PPFIA1: variants seen among roughly 807,000 people sequenced by gnomAD.
PPFIA1 encodes liprin-alpha-1.
Under a neutral mutation model 149.9 loss-of-function variants are expected in PPFIA1, and 25 were observed. The observed-to-expected ratio is 0.17, with a 90% CI of 0.12 to 0.23. The LOEUF (loss-of-function observed/expected upper bound fraction) is 0.23. Among genes scored for constraint, PPFIA1 ranks in the 10% least tolerant of loss-of-function variants. The pLI is 1.00. For synonymous variants in PPFIA1, 549 were observed against 552.8 expected, an observed-to-expected ratio of 0.99 and a Z score of 0.10; for missense variants, 1,362 against 1,506.5, an observed-to-expected ratio of 0.90 and a Z score of 1.59.
At chr11:70,341,416 A>G (rs680125) in intron 14 of PPFIA1, among the ~76,000 whole-genome samples, 1 of 152,128 alleles carries the variant, frequency 6.6e-6, no homozygotes, top group Non-Finnish European at 1.5e-5. Flanking sequence ...GAGGAAGTCA[A>G]AGATGACTCC....
chr11:70,373,054 A>G (rs1195496947), intron 23 of PPFIA1, among the ~76,000 whole-genome samples: 2 of 152,266 alleles, frequency 1.3e-5, no homozygotes, highest in African/African-American at 2.4e-5. Context: ...GTCCTTGAAG[A>G]AGGAGGAGGA....
At chr11:70,355,494 A>T in intron 17 of PPFIA1, 145 bp from the exon 18 acceptor site, 1 of 740,710 alleles carries the variant, frequency 1.4e-6, no homozygotes, top group Non-Finnish European at 2.1e-6. Context: ...CCTCGCCGGG[A>T]GTCTGCCTTT....
chr11:70,321,890 A>G (rs1476547371), intron 2 of PPFIA1, among the ~76,000 whole-genome samples: 1 of 152,140 alleles, frequency 6.6e-6, no homozygotes, highest in Non-Finnish European at 1.5e-5. Flanking sequence ...ATTTTTTGAG[A>G]TGGAGTTTCG....
chr11:70,330,072 T>C (rs974015592), intron 7 of PPFIA1, 101 bp from the exon 8 acceptor site: 35 of 1,125,056 alleles, frequency 3.1e-5, no homozygotes, highest in East Asian at 2.4e-4. Flanking sequence ...TTAATTTGAT[T>C]GGAAATTTGG....
intron 7 of PPFIA1, among the ~76,000 whole-genome samples, chr11:70,329,386 C>T (rs1042341906): frequency 4.6e-5 from 7 of 152,184 alleles, no homozygotes; most frequent in African/African-American, 1.7e-4. Context: ...GAGGTAGTTA[C>T]ATTTTCATTC....
intron 3 of PPFIA1, 23 bp downstream of exon 3, chr11:70,324,526 C>T (rs752053015): frequency 2.6e-6 from 4 of 1,557,796 alleles, no homozygotes; most frequent in Admixed American, 3.4e-5. Context: ...TTTCTGTTCA[C>T]TGCCTGCCCC....
In PPFIA1 at chr11:70,363,937, C is replaced by T. The variant is rs557841780; in HGVS notation, c.2865+1449C>T. 4.6e-5 allele frequency among the ~76,000 whole-genome samples: 7 copies of T among 151,736 alleles called. No individual in the cohort carries two copies. In the South Asian group the frequency reaches 1.5e-3, roughly 32 times the overall value. On this transcript the variant is annotated intron_variant, in intron 21 of 27. Coordinates refer to ENST00000253925, the MANE Select transcript of PPFIA1 (RefSeq NM_003626.5). ...GATGGGTCTCACTTTGTTGCCTAGG[C>T]TGGTCTGGAACTCCTGGGCTCAAGC...
rs769646081 is a variant in PPFIA1, at chr11:70,372,297, A to G, written c.2948A>G (p.Tyr983Cys). 7.4e-6 allele frequency: 12 copies of G among 1,614,106 alleles called. No individual in the cohort carries two copies. The highest frequency in any genetic ancestry group is 3.3e-5 in the South Asian group (3 of 91,086). Residue 983 changes from tyrosine to cysteine, a missense_variant, in exon 22 of 28, where the codon TAC becomes TGC. By Grantham distance (194) the Tyr-to-Cys change is radical (BLOSUM62 -2). Around this residue, in one of 7 missense-constraint regions of PPFIA1, gnomAD observed 349 missense variants for 373.3 expected, o/e 0.93. Transcript: ENST00000253925. ...PSLGLPQYRS[Y>C]FMECLVDARM... Reference sequence around the variant, plus strand: ...CTGGGCCTCCCCCAGTACCGCAGCTACTTCATGGAGTGCCTTGTAGACGCC... The same window carrying G: ...CTGGGCCTCCCCCAGTACCGCAGCTGCTTCATGGAGTGCCTTGTAGACGCC...
rs190876112 is a variant in PPFIA1 at position 70,332,336 on chromosome 11, C to T, written c.1212+242C>T. ...ACTATTTGTCCACGGCATGTGTGATCTGAGAGTTACTGCTTCTTAGAATTG... is the reference window on the plus strand; with the variant it reads ...ACTATTTGTCCACGGCATGTGTGATTTGAGAGTTACTGCTTCTTAGAATTG... On this transcript the variant is annotated intron_variant, in intron 9 of 27. Coordinates refer to ENST00000253925, the MANE Select transcript of PPFIA1 (RefSeq NM_003626.5). Among the ~76,000 whole-genome samples, 84 of 152,260 alleles carry T rather than the reference C, an allele frequency of 5.5e-4. No individual in the cohort carries two copies. The East Asian group carries it at 0.015, about 27-fold the overall frequency.
chr11:70,347,960 G>A (rs1030857781), intron 15 of PPFIA1, among the ~76,000 whole-genome samples: 17 of 152,108 alleles, frequency 1.1e-4, no homozygotes, highest in Non-Finnish European at 2.2e-4. Flanking sequence ...CCGAGATCGC[G>A]CCACTGCACT....
intron 15 of PPFIA1, 132 bp downstream of exon 15, chr11:70,344,024 T>C: frequency 2.3e-6 from 2 of 888,652 alleles, no homozygotes; most frequent in Non-Finnish European, 3.4e-6. Context: ...CTTACTTAAC[T>C]TCTGTTTTAA....
At chr11:70,329,668 C>G (rs1480177474) in intron 7 of PPFIA1, among the ~76,000 whole-genome samples, 2 of 152,170 alleles carry the variant, frequency 1.3e-5, no homozygotes, top group East Asian at 3.9e-4. Flanking sequence ...GCCTGTAATC[C>G]TAACACTTTG....
chr11:70,370,053 C>A (rs2057153555), intron 21 of PPFIA1, among the ~76,000 whole-genome samples: 1 of 151,734 alleles, frequency 6.6e-6, no homozygotes, highest in African/African-American at 2.4e-5. Flanking sequence ...CTGGTTCAAG[C>A]AATTTTCATG....
intron 2 of PPFIA1, among the ~76,000 whole-genome samples, chr11:70,281,215 G>T (rs1187584262): frequency 2.0e-5 from 3 of 151,944 alleles, no homozygotes; most frequent in African/African-American, 7.3e-5. Flanking sequence ...TGTAGAAAGC[G>T]CTGGGTGATG....
Position 70,372,361 on chromosome 11 carries a change from G to A in PPFIA1, c.3012G>A (p.Gly1004=), listed in dbSNP as rs149879959. The change falls in exon 22 of 28, where the codon GGG becomes GGA. Residue 1004 remains glycine (G), a synonymous_variant. Coordinates refer to ENST00000253925, the MANE Select transcript of PPFIA1 (RefSeq NM_003626.5). The part of the protein sequence containing the change: ...LDHLTKKDLR[G]QLKMVDSFHR... ...ACTTGACCAAGAAAGACCTTCGAGG[G>A]CAGCTGAAAATGGTCGACAGTTTTC... 2.5e-5 allele frequency: 41 copies of A among 1,614,064 alleles called. No homozygotes were observed. In the African/African-American group the frequency reaches 4.7e-4, roughly 18 times the overall value.
At chr11:70,357,763 A>G (rs916895006) in intron 19 of PPFIA1, among the ~76,000 whole-genome samples, 2 of 151,870 alleles carry the variant, frequency 1.3e-5, no homozygotes, top group Admixed American at 6.6e-5. Context: ...AATTTTTTGT[A>G]TTTTTAGTAG....
intron 2 of PPFIA1, among the ~76,000 whole-genome samples, chr11:70,314,230 T>C (rs1328686984): frequency 6.6e-6 from 1 of 151,998 alleles, no homozygotes; most frequent in Non-Finnish European, 1.5e-5. Context: ...ACCCAGTAGA[T>C]GAGGACTGGA....
At chr11:70,279,713 A>C (rs1389976984) in intron 2 of PPFIA1, among the ~76,000 whole-genome samples, 2 of 135,104 alleles carry the variant, frequency 1.5e-5, no homozygotes, top group Non-Finnish European at 3.1e-5. Flanking sequence ...TTTTCTGTGT[A>C]TGTGTCTAGG....
At chr11:70,290,225 G>T (rs1261083208) in intron 2 of PPFIA1, among the ~76,000 whole-genome samples, 3 of 143,242 alleles carry the variant, frequency 2.1e-5, no homozygotes, top group Non-Finnish European at 4.7e-5. Context: ...GCAAAACCTT[G>T]TGTAAAAAAA....
Sources: gnomAD v4.1 joint callset for allele counts (sites outside exome capture counted in the v4.1 genomes callset) on GRCh38, gnomAD v4.1.1 for gene constraint, gnomAD v4.1.1 regional missense constraint, MANE v1.5 for transcripts, NCBI Gene and HGNC (gene_info 2026-07-23, HGNC 2026-07-21) for gene names.